Variants in RARB observed in about 807,000 individuals in gnomAD.
RARB encodes HBV-activated protein.
A neutral mutation model predicts 51.9 loss-of-function variants in RARB; 17 were observed. The ratio of observed to expected loss-of-function variants is 0.33; its 90% CI spans 0.22 to 0.49. RARB has a LOEUF of 0.49. Among genes scored for constraint, RARB ranks in the 20% least tolerant of loss-of-function variants. RARB has a pLI of 0.99. For missense variants in RARB, 369 were observed against 550.8 expected (o/e 0.67, Z 3.30); for synonymous variants, 215 against 195.4 (o/e 1.10, Z -0.84).
intron 5 of RARB, among the ~76,000 whole-genome samples, chr3:25,319,202 G>T (rs1316774362): frequency 6.6e-6 from 1 of 152,196 alleles, no homozygotes; most frequent in Non-Finnish European, 1.5e-5. Context: ...AATAAGGGAA[G>T]TGACATGCAT....
chr3:25,407,124 A>G (rs1287846437), intron 5 of RARB, among the ~76,000 whole-genome samples: 3 of 152,200 alleles, frequency 2.0e-5, no homozygotes, highest in Non-Finnish European at 4.4e-5. Flanking sequence ...TCTGCCAGCC[A>G]TATCATGTGC....
intron 5 of RARB, among the ~76,000 whole-genome samples, chr3:25,412,067 C>T (rs571829749): frequency 6.7e-4 from 102 of 152,308 alleles, no homozygotes; most frequent in African/African-American, 2.3e-3. Flanking sequence ...TGAGGTATCA[C>T]AGAACTGGAG....
intron 5 of RARB, among the ~76,000 whole-genome samples, chr3:25,316,736 G>A (rs931005890): frequency 6.6e-6 from 1 of 151,408 alleles, no homozygotes; most frequent in African/African-American, 2.5e-5. Context: ...GGATTGCAAG[G>A]GACTGACAAA....
rs145109682 is a variant in RARB at position 25,008,787 on chromosome 3, C to A, written c.-379-51338C>A. Among the ~76,000 whole-genome samples, 77 of 152,242 alleles carry A rather than the reference C, an allele frequency of 5.1e-4. No individual in the cohort carries two copies. In the East Asian group the frequency reaches 0.015, roughly 29 times the overall value. The stretch of plus-strand genomic sequence containing the variant: ...ATTCACACATGTATTACCAGCCTGG[C>A]CCTTGAGACATTTAATATGGACATT... On this transcript the variant is annotated intron_variant, in intron 2 of 11. Coordinates refer to the RARB transcript ENST00000383772.
At chr3:25,186,885 CTGTGTGTGTGTGTGTGTGTG>C (rs71057702) in intron 5 of RARB, among the ~76,000 whole-genome samples, 325 of 114,286 alleles carry the variant, frequency 2.8e-3, no homozygotes, top group Admixed American at 6.4e-3. Context: ...AAAGGTAAGC[CTGTGTGTGTGTGTGTGTGTG>C]TGTGTGTGTG....
intron 2 of RARB, among the ~76,000 whole-genome samples, chr3:24,862,471 T>G (rs958419263): frequency 2.0e-5 from 3 of 152,160 alleles, no homozygotes; most frequent in Non-Finnish European, 4.4e-5. Flanking sequence ...AATATAAGAT[T>G]GGAAATCCTA....
intron 2 of RARB, among the ~76,000 whole-genome samples, chr3:24,973,760 T>A (rs1425292774): frequency 5.9e-5 from 9 of 152,110 alleles, no homozygotes; most frequent in Non-Finnish European, 8.8e-5. Flanking sequence ...GTGTTCACTG[T>A]TGGCATATAT....
intron 3 of RARB, among the ~76,000 whole-genome samples, chr3:25,567,022 CTGCTGCTGTGTTT>C (rs2125684931): frequency 1.3e-5 from 2 of 152,282 alleles, no homozygotes; most frequent in East Asian, 3.9e-4. Context: ...GGTAGTGAGG[CTGCTGCTGTGTTT>C]TAATGTAGCT....
At chr3:25,409,335 C>T (rs1021230984) in intron 5 of RARB, among the ~76,000 whole-genome samples, 10 of 152,124 alleles carry the variant, frequency 6.6e-5, no homozygotes, top group Non-Finnish European at 1.3e-4. Context: ...CTCTGCAAAC[C>T]TTCTCCTCCT....
chr3:25,447,380 T>C (rs1278808452), intron 1 of RARB, among the ~76,000 whole-genome samples: 1 of 152,228 alleles, frequency 6.6e-6, no homozygotes, highest in Non-Finnish European at 1.5e-5. Context: ...TTTTTCTAGC[T>C]GGGGCCATGT....
chr3:25,041,604 T>C (rs187351473), intron 2 of RARB, among the ~76,000 whole-genome samples: 2 of 151,952 alleles, frequency 1.3e-5, no homozygotes, highest in Admixed American at 1.3e-4. Context: ...AGATAACACA[T>C]AATTCTCCAG....
intron 5 of RARB, among the ~76,000 whole-genome samples, chr3:25,304,957 C>G (rs1446182911): frequency 6.6e-6 from 1 of 152,184 alleles, no homozygotes; most frequent in Non-Finnish European, 1.5e-5. Flanking sequence ...AGACATTGTT[C>G]TAAGCCTTTG....
At chr3:25,008,454 A>G (rs1697322250) in intron 2 of RARB, among the ~76,000 whole-genome samples, 1 of 152,114 alleles carries the variant, frequency 6.6e-6, no homozygotes, top group African/African-American at 2.4e-5. Flanking sequence ...CAGTCTTGTG[A>G]GGATGATGAA....
At chr3:24,955,979 C>A (rs1170080470) in intron 2 of RARB, among the ~76,000 whole-genome samples, 1 of 152,032 alleles carries the variant, frequency 6.6e-6, no homozygotes, top group African/African-American at 2.4e-5. Context: ...TGATGAAATT[C>A]CTAGGGAGGG....
chr3:25,135,849 C>G (rs1700024888), intron 4 of RARB, among the ~76,000 whole-genome samples: 1 of 151,770 alleles, frequency 6.6e-6, no homozygotes, highest in African/African-American at 2.4e-5. Flanking sequence ...AGGGCAAACT[C>G]CAGAGAATGT....
intron 3 of RARB, among the ~76,000 whole-genome samples, chr3:25,063,963 C>T (rs1450092738): frequency 3.3e-5 from 5 of 152,034 alleles, no homozygotes; most frequent in African/African-American, 1.2e-4. Flanking sequence ...ATGATCTCCT[C>T]ATTTCTGATT....
At chr3:24,891,943 G>C (rs1703387612) in intron 2 of RARB, among the ~76,000 whole-genome samples, 3 of 152,128 alleles carry the variant, frequency 2.0e-5, no homozygotes, top group Non-Finnish European at 4.4e-5. Context: ...GTAGATGGGG[G>C]ACAGTGGTTG....
chr3:25,115,624 C>CT (rs936529636), intron 3 of RARB, among the ~76,000 whole-genome samples: 23 of 147,248 alleles, frequency 1.6e-4, no homozygotes, highest in East Asian at 8.0e-4. Context: ...CTTCCTTTTT[C>CT]TTTTTTTTCC....
At chr3:25,271,627 T>G (rs1391255888) in intron 5 of RARB, among the ~76,000 whole-genome samples, 2 of 152,184 alleles carry the variant, frequency 1.3e-5, no homozygotes, top group Non-Finnish European at 2.9e-5. Context: ...CTTGGGAGCA[T>G]CTGAGAGGAA....
Sources: allele counts gnomAD v4.1 joint callset (sites outside exome capture counted in the v4.1 genomes callset), GRCh38; gene constraint gnomAD v4.1.1; transcripts MANE v1.5; gene names NCBI Gene and HGNC (gene_info 2026-07-23, HGNC 2026-07-21).